Variants in PHF24 observed in about 807,000 individuals in gnomAD.
The protein encoded by PHF24 is PHD finger protein 24.
In PHF24, 25 loss-of-function variants were observed where a neutral mutation model predicts 42.6. That is an observed-to-expected ratio of 0.59 (90% CI 0.43 to 0.82). The LOEUF is 0.82. Ranked by LOEUF, PHF24 falls within the 40% of genes least tolerant of loss-of-function variation. The pLI is 0.00. For synonymous variants in PHF24, 185 were observed against 204.8 expected, an observed-to-expected ratio of 0.90 and a Z score of 0.83; for missense variants, 470 against 538.1, an observed-to-expected ratio of 0.87 and a Z score of 1.25.
At chr9:34,718,491 C>T in the PHF24 span, among the ~76,000 whole-genome samples, 6 of 152,246 alleles carry the variant, frequency 3.9e-5, no homozygotes, top group African/African-American at 1.2e-4. Flanking sequence ...ATATTCCCAC[C>T]TGAGCTCAAG....
At chr9:34,977,921 T>C (rs2132938812) in intron 7 of PHF24, 94 bp from the exon 8 acceptor site, 1 of 1,019,578 alleles carries the variant, frequency 9.8e-7, no homozygotes, top group Non-Finnish European at 1.5e-6. Flanking sequence ...TCACGCGTCT[T>C]CAAACCAGCC....
At chr9:34,794,066 A>T in the PHF24 span, among the ~76,000 whole-genome samples, 9 of 152,032 alleles carry the variant, frequency 5.9e-5, no homozygotes, top group African/African-American at 2.2e-4. Context: ...GAGCTTGGGA[A>T]AGCAACTCCT....
chr9:34,879,030 G>T, the PHF24 span, among the ~76,000 whole-genome samples: 2 of 152,174 alleles, frequency 1.3e-5, no homozygotes, highest in South Asian at 2.1e-4. Context: ...GGATCAGGTG[G>T]CAACAGTTGC....
At chr9:34,958,271 G>GC (rs1826456915), upstream of PHF24, 1 of 150,046 alleles carries the variant, frequency 6.7e-6, no homozygotes, top group African/African-American at 2.6e-5. The surrounding 1 kb of genome is among the most constrained non-coding windows in gnomAD (Gnocchi z 4.5). Context: ...TCAGCCTGCC[G>GC]CTCCGCCCGC....
the PHF24 span, among the ~76,000 whole-genome samples, chr9:34,857,901 GT>G: frequency 6.7e-6 from 1 of 150,106 alleles, no homozygotes; most frequent in African/African-American, 2.5e-5. Context: ...TTTTTAAAAA[GT>G]CATTTCAGTC....
the PHF24 span, among the ~76,000 whole-genome samples, chr9:34,680,270 G>A: frequency 1.3e-5 from 2 of 152,160 alleles, no homozygotes; most frequent in African/African-American, 2.4e-5. Flanking sequence ...AGCTACTTGG[G>A]AGGCTGAGGC....
the PHF24 span, among the ~76,000 whole-genome samples, chr9:34,677,516 C>T: frequency 6.7e-6 from 1 of 149,764 alleles, no homozygotes; most frequent in East Asian, 2.0e-4. Flanking sequence ...CCTGCCTTAA[C>T]CTCCCGAGTA....
chr9:34,946,342 A>C, the PHF24 span, among the ~76,000 whole-genome samples: 1 of 152,320 alleles, frequency 6.6e-6, no homozygotes, highest in East Asian at 1.9e-4. Context: ...TTCATGGTCA[A>C]GTCTGATAGA....
At chr9:34,849,327 G>C in the PHF24 span, among the ~76,000 whole-genome samples, 1 of 152,068 alleles carries the variant, frequency 6.6e-6, no homozygotes, top group Non-Finnish European at 1.5e-5. Context: ...AGCTCTTCTT[G>C]TTGAATTGAT....
At chr9:34,968,570 G>A (rs1459564952) in intron 1 of PHF24, among the ~76,000 whole-genome samples, 1 of 152,162 alleles carries the variant, frequency 6.6e-6, no homozygotes, top group African/African-American at 2.4e-5. Flanking sequence ...TCAAGAATAT[G>A]AATTTCCTTG....
the PHF24 span, chr9:34,893,167 A>G: frequency 9.5e-6 from 5 of 529,040 alleles, no homozygotes; most frequent in African/African-American, 1.9e-5. Context: ...GAAGAGAAAC[A>G]TGACAAACAT....
At chr9:34,786,846 T>G in the PHF24 span, among the ~76,000 whole-genome samples, 1 of 152,184 alleles carries the variant, frequency 6.6e-6, no homozygotes, top group East Asian at 1.9e-4. Flanking sequence ...CGTTTTTTGG[T>G]AAAACAGAGG....
the PHF24 span, among the ~76,000 whole-genome samples, chr9:34,846,055 A>C: frequency 6.6e-6 from 1 of 152,080 alleles, no homozygotes; most frequent in African/African-American, 2.4e-5. Flanking sequence ...TGCTGCAATA[A>C]ACATACGTGT....
the PHF24 span, among the ~76,000 whole-genome samples, chr9:34,937,091 C>T: frequency 7.9e-6 from 1 of 126,290 alleles, no homozygotes; most frequent in African/African-American, 2.7e-5. Flanking sequence ...CTGCCCCGGC[C>T]GCCCCTACTG....
chr9:34,945,876 C>T, the PHF24 span, among the ~76,000 whole-genome samples: 1 of 152,206 alleles, frequency 6.6e-6, no homozygotes, highest in African/African-American at 2.4e-5. Flanking sequence ...AACTGCCATG[C>T]TGTTTTAAGA....
the PHF24 span, among the ~76,000 whole-genome samples, chr9:34,704,410 G>A: frequency 3.3e-5 from 5 of 152,304 alleles, no homozygotes; most frequent in South Asian, 1.0e-3. Flanking sequence ...AGGAAGGAGT[G>A]AACCGGGAGA....
the PHF24 span, among the ~76,000 whole-genome samples, chr9:34,911,531 C>T: frequency 6.4e-3 from 974 of 152,274 alleles, 8 homozygotes; most frequent in African/African-American, 0.022. Flanking sequence ...GGATTACAGG[C>T]GTGAGCCACC....
At chr9:34,865,539 G>A in the PHF24 span, among the ~76,000 whole-genome samples, 2 of 152,042 alleles carry the variant, frequency 1.3e-5, no homozygotes, top group African/African-American at 4.8e-5. Context: ...ACTCCAGCCT[G>A]AGTGACAAAG....
chr9:34,888,213 T>G, the PHF24 span, among the ~76,000 whole-genome samples: 3 of 152,176 alleles, frequency 2.0e-5, no homozygotes, highest in Non-Finnish European at 4.4e-5. Flanking sequence ...TCCCCAAAAC[T>G]AGATTAAGTG....
Sources: gnomAD v4.1 joint callset for allele counts (sites outside exome capture counted in the v4.1 genomes callset) on GRCh38, gnomAD v4.1.1 for gene constraint, Gnocchi (gnomAD v3.1) non-coding constraint, MANE v1.5 for transcripts, NCBI Gene and HGNC (gene_info 2026-07-23, HGNC 2026-07-21) for gene names.